The following CLEC9A variants were observed in gnomAD, a reference collection of about 807,000 sequenced individuals.
CLEC9A encodes the protein C-type lectin domain family 9 member A.
In CLEC9A, 24 loss-of-function variants were observed where a neutral mutation model predicts 30.0. The observed-to-expected ratio is 0.80, with a 90% confidence interval of 0.58 to 1.13. The LOEUF (loss-of-function observed/expected upper bound fraction) is 1.13, where lower values mean the gene tolerates loss of function less well. Ranked by LOEUF, CLEC9A falls within the 50% of genes most tolerant of loss-of-function variation. CLEC9A has a pLI of 0.00. For synonymous variants in CLEC9A, 111 were observed against 96.8 expected (o/e 1.15, Z -0.86); for missense variants, 251 against 280.9 (o/e 0.89, Z 0.76).
At position 10,054,684 on chromosome 12, in the gene CLEC9A, T is replaced by G. The variant is rs1411704614; in HGVS notation, c.172+333T>G. 2.0e-5 allele frequency among the ~76,000 whole-genome samples: 3 copies of G among 152,236 alleles called. No homozygotes were observed. In the East Asian group the frequency reaches 5.8e-4, roughly 29 times the overall value. Reference sequence around the variant, plus strand: ...ATTTCACATTCTGCTTTTCTGTTTCTAATATACATTTAAATTAAATTTGAC... The same window carrying G: ...ATTTCACATTCTGCTTTTCTGTTTCGAATATACATTTAAATTAAATTTGAC... On this transcript the variant is annotated intron_variant, in intron 5 of 8. Coordinates refer to ENST00000355819, the MANE Select transcript of CLEC9A (RefSeq NM_207345.4).
intron 1 of CLEC9A, among the ~76,000 whole-genome samples, chr12:10,037,584 G>A (rs1429782668): frequency 6.6e-6 from 1 of 152,006 alleles, no homozygotes; most frequent in Non-Finnish European, 1.5e-5. Context: ...TTCACCTAAC[G>A]TTCACATTTT....
intron 8 of CLEC9A, 52 bp from the exon 9 acceptor site, chr12:10,065,448 C>A: frequency 6.2e-7 from 1 of 1,605,496 alleles, no homozygotes; most frequent in Non-Finnish European, 8.5e-7. Flanking sequence ...CCCTCAGGAG[C>A]ATTTCTGAAA....
chr12:10,054,751 G>A (rs1865924698), intron 5 of CLEC9A, among the ~76,000 whole-genome samples: 1 of 152,176 alleles, frequency 6.6e-6, no homozygotes, highest in African/African-American at 2.4e-5. Flanking sequence ...AATTTAAAAT[G>A]TTTAATGCAA....
intron 5 of CLEC9A, among the ~76,000 whole-genome samples, chr12:10,058,608 G>A (rs895193950): frequency 2.6e-5 from 4 of 152,160 alleles, no homozygotes; most frequent in African/African-American, 9.7e-5. Flanking sequence ...GCAGGGTTAT[G>A]ATCTCACCTC....
chr12:10,041,766 C>G, intron 2 of CLEC9A, 146 bp downstream of exon 2: 5 of 436,108 alleles, frequency 1.1e-5, no homozygotes, highest in South Asian at 8.3e-5. Flanking sequence ...GTAAGAATTA[C>G]AGAACCCAAA....
chr12:10,040,084 A>G (rs1356988021), intron 1 of CLEC9A, among the ~76,000 whole-genome samples: 8 of 152,188 alleles, frequency 5.3e-5, no homozygotes, highest in African/African-American at 1.9e-4. Flanking sequence ...CGGCCTCTCA[A>G]AGTTCTGGGA....
rs1289663567 is a variant in CLEC9A at position 10,056,573 on chromosome 12, GA to G, written c.172+2223del. On this transcript the variant is annotated intron_variant, in intron 5 of 8. Transcript: ENST00000355819. ...AAATGTATATGCTATGTTACAATTT[GA>G]TTAAGAATGAACATTTTCTTGAATT... Among the ~76,000 whole-genome samples, 6 of 152,224 alleles carry G rather than the reference GA, an allele frequency of 3.9e-5. 1 individual carries two copies. In the East Asian group the frequency reaches 1.2e-3, roughly 29 times the overall value.
At chr12:10,035,858 G>A (rs1865740573) in intron 1 of CLEC9A, among the ~76,000 whole-genome samples, 1 of 152,276 alleles carries the variant, frequency 6.6e-6, no homozygotes, top group Non-Finnish European at 1.5e-5. Context: ...TCCCACCTTA[G>A]CCTCCAAAAG....
At chr12:10,043,300 C>T in intron 2 of CLEC9A, 1 of 227,624 alleles carries the variant, frequency 4.4e-6, no homozygotes, top group South Asian at 4.8e-5. Context: ...TGGGAGATGG[C>T]TCAGTTCTCT....
At chr12:10,060,804 G>C (rs1865990129) in intron 5 of CLEC9A, 1 of 243,304 alleles carries the variant, frequency 4.1e-6, no homozygotes, top group Non-Finnish European at 7.9e-6. Context: ...ATATTCATTT[G>C]CCTTCATTTG....
intron 1 of CLEC9A, among the ~76,000 whole-genome samples, chr12:10,040,428 T>C (rs377487439): frequency 6.6e-6 from 1 of 152,138 alleles, no homozygotes; most frequent in African/African-American, 2.4e-5. Flanking sequence ...CACGTGTATC[T>C]AGTAAACTCT....
chr12:10,044,048 T>A (rs1217698323), intron 2 of CLEC9A, among the ~76,000 whole-genome samples: 2 of 152,094 alleles, frequency 1.3e-5, no homozygotes, highest in African/African-American at 4.8e-5. Context: ...AACTTGAGAG[T>A]CTTTTGACTT....
intron 2 of CLEC9A, among the ~76,000 whole-genome samples, chr12:10,043,478 C>T (rs1865815361): frequency 2.0e-5 from 3 of 152,066 alleles, no homozygotes; most frequent in Admixed American, 2.0e-4. Flanking sequence ...CTACTTCAAA[C>T]AAGAGAGCAC....
At chr12:10,050,743 T>G (rs1309234779) in intron 2 of CLEC9A, among the ~76,000 whole-genome samples, 1 of 152,244 alleles carries the variant, frequency 6.6e-6, no homozygotes, top group African/African-American at 2.4e-5. Context: ...CAACTTAAGC[T>G]TCTGTTACTG....
intron 2 of CLEC9A, among the ~76,000 whole-genome samples, chr12:10,047,765 T>C (rs1284634370): frequency 6.6e-6 from 1 of 152,236 alleles, no homozygotes. Context: ...GCACATACTT[T>C]AATTTAAAAA....
rs1866041406 is a variant in CLEC9A at position 10,065,833 on chromosome 12, G to A, written c.*201G>A. The A allele has an allele frequency of 6.0e-6, 3 of 503,558 alleles. No individual in the cohort carries two copies. Among genetic ancestry groups the A allele is most frequent in the Non-Finnish European group, 1.0e-5 (3 of 287,894 alleles). The allele number at this position is 503,558 out of a possible 1,614,324, so 31.2% of individuals were successfully genotyped here. ...ATTTGATGTTGTTCACATTGCAAGAGTAAAACTTATTTAGAGCTACAGAAG... is the reference window on the plus strand; with the variant it reads ...ATTTGATGTTGTTCACATTGCAAGAATAAAACTTATTTAGAGCTACAGAAG... On this transcript the variant is annotated 3_prime_UTR_variant, in exon 9 of 9. Transcript: ENST00000355819.
At chr12:10,050,029 T>C (rs1865879312) in intron 2 of CLEC9A, among the ~76,000 whole-genome samples, 2 of 152,238 alleles carry the variant, frequency 1.3e-5, no homozygotes, top group South Asian at 4.1e-4. Context: ...TGTAGCATTA[T>C]TAATTGACCT....
intron 2 of CLEC9A, chr12:10,043,408 T>G (rs1865814769): frequency 6.1e-6 from 1 of 164,974 alleles, no homozygotes; most frequent in African/African-American, 2.4e-5. Flanking sequence ...ACTTAATAAT[T>G]GAAATGTGTC....
At chr12:10,059,373 G>C (rs1275064518) in intron 5 of CLEC9A, among the ~76,000 whole-genome samples, 4 of 152,078 alleles carry the variant, frequency 2.6e-5, no homozygotes, top group Non-Finnish European at 4.4e-5. Flanking sequence ...AAAAGAAAAA[G>C]AAAATAAGCC....
Sources: gnomAD v4.1 joint callset for allele counts (sites outside exome capture counted in the v4.1 genomes callset) on GRCh38, gnomAD v4.1.1 for gene constraint, MANE v1.5 for transcripts, NCBI Gene and HGNC (gene_info 2026-07-23, HGNC 2026-07-21) for gene names.